Variants in DRAP1 observed in about 807,000 individuals in gnomAD.
DRAP1 encodes dr1-associated corepressor.
A neutral mutation model predicts 24.1 loss-of-function variants in DRAP1; 10 were observed. The observed-to-expected ratio is 0.41, with a 90% CI of 0.26 to 0.70. The LOEUF is 0.70. DRAP1 is among the 30% of genes least tolerant of loss of function. DRAP1 has a pLI of 0.29. For missense variants in DRAP1, 264 were observed against 275.6 expected (o/e 0.96, Z 0.30); for synonymous variants, 122 against 113.8 (o/e 1.07, Z -0.46).
chr11:65,919,874 GGGT>G lies in DRAP1; in HGVS notation c.115+23_115+25del, dbSNP rs1331272157. On this transcript the variant is annotated intron_variant, in intron 2 of 6. Transcript: ENST00000312515. Reference sequence around the variant, plus strand: ...ATCTGTATCCTGCCGGGGGCGGACCGGGTCGAGGGGCGTGGGGGAGGGAGGCAG... The same window carrying G: ...ATCTGTATCCTGCCGGGGGCGGACCGCGAGGGGCGTGGGGGAGGGAGGCAG... 3.1e-6 allele frequency: 5 copies of G among 1,613,134 alleles called. No individual in the cohort carries two copies. In the African/African-American group the frequency reaches 6.7e-5, roughly 22 times the overall value.
chr11:65,920,295 G>T (rs1256540536), intron 3 of DRAP1, 48 bp from the exon 4 acceptor site: 2 of 1,611,144 alleles, frequency 1.2e-6, no homozygotes, highest in Non-Finnish European at 8.5e-7. Flanking sequence ...CTGCGGGTTT[G>T]GGTGTCTGGG....
intron 3 of DRAP1, 52 bp downstream of exon 3, chr11:65,920,093 C>A: frequency 1.3e-6 from 2 of 1,588,486 alleles, no homozygotes; most frequent in South Asian, 1.1e-5. Flanking sequence ...GGGGAGTTCA[C>A]ACACTGAGGA....
intron 5 of DRAP1, 41 bp downstream of exon 5, chr11:65,920,703 G>A (rs1437475866): frequency 1.4e-6 from 2 of 1,462,776 alleles, no homozygotes; most frequent in African/African-American, 2.8e-5. Context: ...CTTGGTGATG[G>A]GACAGGCAGC....
chr11:65,920,692 C>G (rs944493754), intron 5 of DRAP1, 30 bp downstream of exon 5: 1 of 1,467,078 alleles, frequency 6.8e-7, no homozygotes, highest in Non-Finnish European at 9.1e-7. Flanking sequence ...TTCGCCCTGC[C>G]CTTGGTGATG....
At chr11:65,920,172 G>T in intron 3 of DRAP1, 131 bp downstream of exon 3, 2 of 1,417,186 alleles carry the variant, frequency 1.4e-6, no homozygotes, top group Non-Finnish European at 9.6e-7. Context: ...GACTGGCAGA[G>T]GAGAGGCTGG....
chr11:65,920,886 T>C lies in DRAP1; in HGVS notation c.426T>C (p.Asp142=), dbSNP rs1370272100. The part of the protein sequence containing the change: ...KLSGTDSEQE[D]ESEDTDTDGE... ...TCTGACCTCTGCGGTGCTCACAGGATGAATCTGAGGACACAGATACTGATG... is the reference window on the plus strand; with the variant it reads ...TCTGACCTCTGCGGTGCTCACAGGACGAATCTGAGGACACAGATACTGATG... The change falls in exon 6 of 7, where the codon GAT becomes GAC. Residue 142 remains aspartate (D), a splice_region_variant and synonymous_variant. Coordinates refer to ENST00000312515, the MANE Select transcript of DRAP1 (RefSeq NM_006442.4). The C allele has an allele frequency of 1.2e-6, 2 of 1,611,960 alleles. No homozygotes were observed. Among genetic ancestry groups the C allele is most frequent in the Non-Finnish European group, 1.7e-6 (2 of 1,179,014 alleles).
rs1854538532 is a variant in DRAP1 at position 65,920,665 on chromosome 11, G to C, written c.423+3G>C. The C allele has an allele frequency of 1.3e-6, 2 of 1,481,824 alleles. No homozygotes were observed. The highest frequency in any genetic ancestry group is 1.8e-6 in the Non-Finnish European group (2 of 1,111,412). The allele number at this position is 1,481,824 out of a possible 1,614,324, so 91.8% of individuals were successfully genotyped here. A position where few individuals can be genotyped will look rare whatever the true frequency, so the allele number is the denominator to read the frequency against. ...CCGGGACAGACTCGGAGCAGGAGGT[G>C]AGTGAGGCCCCAGCCCTTCGCCCTG... On this transcript the variant is annotated splice_donor_region_variant and intron_variant, in intron 5 of 6. Coordinates refer to ENST00000312515, the MANE Select transcript of DRAP1 (RefSeq NM_006442.4).
chr11:65,919,832 C>G lies in DRAP1; in HGVS notation c.95C>G (p.Ala32Gly), dbSNP rs201738884. Reference sequence around the variant, plus strand: ...GACGAAGAGATTGGGAAGGTGGCGGCGGCGGTGCCTGTCATCATCTGTATC... The same window carrying G: ...GACGAAGAGATTGGGAAGGTGGCGGGGGCGGTGCCTGTCATCATCTGTATC... ...QTDEEIGKVAAAVPVIISRAL... is the reference protein window; with the variant it reads ...QTDEEIGKVAGAVPVIISRAL... Residue 32 changes from alanine to glycine, a missense_variant, in exon 2 of 7, where the codon GCG (alanine) becomes GGG (glycine). Transcript: ENST00000312515. The G allele has an allele frequency of 6.2e-7, 1 of 1,612,858 alleles. No individual in the cohort carries two copies. Among genetic ancestry groups the G allele is most frequent in the South Asian group, 1.1e-5 (1 of 91,090 alleles).
In DRAP1 at chr11:65,919,477, C is replaced by T. The variant is rs920479514; in HGVS notation, c.-25C>T. The T allele has an allele frequency of 6.5e-7, 1 of 1,530,846 alleles. No homozygotes were observed. The highest frequency in any genetic ancestry group is 8.8e-7 in the Non-Finnish European group (1 of 1,139,652). The allele number at this position is 1,530,846 out of a possible 1,614,324, so 94.8% of individuals were successfully genotyped here. A position where few individuals can be genotyped will look rare whatever the true frequency, so the allele number is the denominator to read the frequency against. On this transcript the variant is annotated 5_prime_UTR_variant, in exon 1 of 7. Transcript: ENST00000312515. ...GAGGCTGCGGGCGGCGGCGCTGGACCCGACGCGGCGAGAGAGGCCCCGAGA... is the reference window on the plus strand; with the variant it reads ...GAGGCTGCGGGCGGCGGCGCTGGACTCGACGCGGCGAGAGAGGCCCCGAGA...
Position 65,920,567 on chromosome 11 carries a change from A to G in DRAP1, c.330-2A>G. 6.3e-7 allele frequency: 1 copy of G among 1,594,706 alleles called. No homozygotes were observed. Among genetic ancestry groups the G allele is most frequent in the Non-Finnish European group, 8.5e-7 (1 of 1,170,694 alleles). Reference sequence around the variant, plus strand: ...GGGCAGATGGACTGTACCTTCCCAAAGGGGCCGGAAGCCAGGCAGCGGCGG... The same window carrying G: ...GGGCAGATGGACTGTACCTTCCCAAGGGGGCCGGAAGCCAGGCAGCGGCGG... On this transcript the variant is annotated splice_acceptor_variant, in intron 4 of 6. Transcript: ENST00000312515. LOFTEE classifies it high-confidence loss of function.
At chr11:65,920,245 G>T in intron 3 of DRAP1, 98 bp from the exon 4 acceptor site, 2 of 1,569,618 alleles carry the variant, frequency 1.3e-6, no homozygotes, top group Non-Finnish European at 1.7e-6. Flanking sequence ...AGATCGGCCC[G>T]GGCTCCAGCC....
intron 1 of DRAP1, 78 bp from the exon 2 acceptor site, chr11:65,919,702 G>C: frequency 6.3e-7 from 1 of 1,575,436 alleles, no homozygotes; most frequent in Non-Finnish European, 8.6e-7. Context: ...CCCTTTCTCC[G>C]GGGATGCCCC....
At chr11:65,920,807 T>C (rs1854540985) in intron 5 of DRAP1, 77 bp from the exon 6 acceptor site, 1 of 1,496,018 alleles carries the variant, frequency 6.7e-7, no homozygotes, top group Non-Finnish European at 9.1e-7. Context: ...GCTATGAGGG[T>C]CTACTGCTGT....
chr11:65,919,832 C>T lies in DRAP1; in HGVS notation c.95C>T (p.Ala32Val), dbSNP rs201738884. The change falls in exon 2 of 7, where the codon GCG (alanine) becomes GTG (valine). Residue 32 changes from alanine (A) to valine (V), a missense_variant. By Grantham distance (64) the Ala-to-Val change is moderately conservative. Coordinates refer to ENST00000312515, the MANE Select transcript of DRAP1 (RefSeq NM_006442.4). ...QTDEEIGKVA[A>V]AVPVIISRAL... ...GACGAAGAGATTGGGAAGGTGGCGG[C>T]GGCGGTGCCTGTCATCATCTGTATC... The T allele has an allele frequency of 1.9e-6, 3 of 1,612,858 alleles. No homozygotes were observed. Among genetic ancestry groups the T allele is most frequent in the African/African-American group, 2.7e-5 (2 of 75,072 alleles).
intron 1 of DRAP1, 101 bp from the exon 2 acceptor site, chr11:65,919,679 C>T (rs907766101): frequency 2.6e-6 from 4 of 1,534,698 alleles, no homozygotes; most frequent in Non-Finnish European, 2.6e-6. Context: ...TCCCCGCGTC[C>T]GTGTCCCCCG....
intron 4 of DRAP1, 43 bp downstream of exon 4, chr11:65,920,505 C>A: frequency 6.2e-7 from 1 of 1,612,650 alleles, no homozygotes; most frequent in Non-Finnish European, 8.5e-7. Context: ...GCCAAGGCCA[C>A]AGGGCTTGGG....
Position 65,919,456 on chromosome 11 carries a change from C to G in DRAP1, c.-46C>G, listed in dbSNP as rs1482596343. Reference sequence around the variant, plus strand: ...GCGAGCAGGCCCGGGAGCCGGGAGGCTGCGGGCGGCGGCGCTGGACCCGAC... The same window carrying G: ...GCGAGCAGGCCCGGGAGCCGGGAGGGTGCGGGCGGCGGCGCTGGACCCGAC... On this transcript the variant is annotated 5_prime_UTR_variant, in exon 1 of 7. Transcript: ENST00000312515. 2 of 1,510,630 alleles carry G rather than the reference C, an allele frequency of 1.3e-6. No homozygotes were observed. The highest frequency in any genetic ancestry group is 1.8e-6 in the Non-Finnish European group (2 of 1,130,540). 93.6% of individuals were successfully genotyped at this position (1,510,630 alleles called of 1,614,324 possible).
At chr11:65,921,210 G>A (rs1395423392) in intron 6 of DRAP1, 120 bp from the exon 7 acceptor site, 19 of 739,056 alleles carry the variant, frequency 2.6e-5, no homozygotes, top group South Asian at 7.2e-5. Flanking sequence ...GGCCTTGGCC[G>A]CATGGATCTG....
In DRAP1 at chr11:65,919,433, G is replaced by A; in HGVS notation, c.-69G>A. The A allele has an allele frequency of 6.8e-7, 1 of 1,475,846 alleles. No individual in the cohort carries two copies. Among genetic ancestry groups the A allele is most frequent in the Non-Finnish European group, 9.0e-7 (1 of 1,115,228 alleles). 91.4% of individuals were successfully genotyped at this position (1,475,846 alleles called of 1,614,324 possible). A position where few individuals can be genotyped will look rare whatever the true frequency, so the allele number is the denominator to read the frequency against. The stretch of plus-strand genomic sequence containing the variant: ...AGGGGAACCGCGACGGGCGGGCGGC[G>A]AGCAGGCCCGGGAGCCGGGAGGCTG... On this transcript the variant is annotated 5_prime_UTR_variant, in exon 1 of 7. Coordinates refer to ENST00000312515, the MANE Select transcript of DRAP1 (RefSeq NM_006442.4).
Sources: gnomAD v4.1 joint callset for allele counts on GRCh38, gnomAD v4.1.1 for gene constraint, MANE v1.5 for transcripts, NCBI Gene and HGNC (gene_info 2026-07-23, HGNC 2026-07-21) for gene names.